Variants in PTPN4 observed in about 807,000 individuals in gnomAD.
PTPN4 encodes tyrosine-protein phosphatase non-receptor type 4.
PTPN4 carries 49 observed loss-of-function variants against 135.5 expected under a neutral mutation model. The observed-to-expected ratio is 0.36, with a 90% CI of 0.29 to 0.46. The LOEUF (loss-of-function observed/expected upper bound fraction) is 0.46, where lower values mean the gene tolerates loss of function less well. Ranked by LOEUF, PTPN4 falls within the 20% of genes least tolerant of loss-of-function variation. PTPN4 has a pLI of 1.00. For missense variants in PTPN4, 860 were observed against 1,101.0 expected, an observed-to-expected ratio of 0.78 and a Z score of 3.10; for synonymous variants, 333 against 369.9, an observed-to-expected ratio of 0.90 and a Z score of 1.14.
intron 10 of PTPN4, among the ~76,000 whole-genome samples, chr2:119,911,873 A>G (rs1678576783): frequency 6.6e-6 from 1 of 152,196 alleles, no homozygotes; most frequent in Admixed American, 6.5e-5. Flanking sequence ...GTAGTTTCTT[A>G]AAAAGTTAGA....
At chr2:119,869,354 A>G (rs1677877028) in intron 3 of PTPN4, among the ~76,000 whole-genome samples, 1 of 152,224 alleles carries the variant, frequency 6.6e-6, no homozygotes, top group Admixed American at 6.5e-5. Context: ...TGCATATTGC[A>G]AATGGGTGCA....
intron 2 of PTPN4, among the ~76,000 whole-genome samples, chr2:119,828,677 C>G (rs1179348520): frequency 6.6e-6 from 1 of 152,178 alleles, no homozygotes; most frequent in Non-Finnish European, 1.5e-5. Flanking sequence ...GCATTTGTCC[C>G]ACATCTTCAA....
intron 10 of PTPN4, among the ~76,000 whole-genome samples, chr2:119,909,760 C>T (rs530063693): frequency 2.0e-5 from 3 of 152,070 alleles, no homozygotes; most frequent in African/African-American, 2.4e-5. Flanking sequence ...AAAGTAGCAA[C>T]GTTAACCGGA....
At position 119,924,613 on chromosome 2, in the gene PTPN4, C is replaced by T. The variant is rs190887302; in HGVS notation, c.1002-1985C>T. 1.8e-4 allele frequency among the ~76,000 whole-genome samples: 27 copies of T among 152,162 alleles called. 2 individuals carry two copies. In the East Asian group the frequency reaches 2.3e-3, roughly 13 times the overall value. On this transcript the variant is annotated intron_variant, in intron 12 of 26. Coordinates refer to ENST00000263708, the MANE Select transcript of PTPN4 (RefSeq NM_002830.4). Reference sequence around the variant, plus strand: ...TATCTTACTGTGAAAGTTTAGTGTTCTGAAACTGGAACAGTTTTTCATTTT... The same window carrying T: ...TATCTTACTGTGAAAGTTTAGTGTTTTGAAACTGGAACAGTTTTTCATTTT...
intron 3 of PTPN4, among the ~76,000 whole-genome samples, chr2:119,863,372 C>T (rs1024603271): frequency 1.3e-5 from 2 of 152,142 alleles, no homozygotes; most frequent in Non-Finnish European, 1.5e-5. Flanking sequence ...CAGTGAGGGA[C>T]TTCTGCAATA....
intron 10 of PTPN4, among the ~76,000 whole-genome samples, chr2:119,912,723 A>T (rs1380005136): frequency 2.0e-5 from 3 of 152,196 alleles, no homozygotes; most frequent in Non-Finnish European, 4.4e-5. Flanking sequence ...CACTATTGAT[A>T]TAATCTATGT....
chr2:119,944,955 T>G (rs1470344842), intron 15 of PTPN4, 126 bp from the exon 16 acceptor site: 13 of 702,734 alleles, frequency 1.8e-5, no homozygotes, highest in Non-Finnish European at 2.8e-5. Context: ...CATTAAAAAG[T>G]GGCACTTCCA....
intron 2 of PTPN4, among the ~76,000 whole-genome samples, chr2:119,850,297 T>C (rs77840690): frequency 0.063 from 9,517 of 152,242 alleles, 432 homozygotes; most frequent in Non-Finnish European, 0.096. Context: ...GTAGGGGCAG[T>C]GTCCTTTACT....
At position 119,976,933 on chromosome 2, in the gene PTPN4, C is replaced by T. The variant is rs746662843; in HGVS notation, c.2695-51C>T. The T allele has an allele frequency of 2.3e-5, 36 of 1,563,884 alleles. 1 individual carries two copies. The Admixed American group carries it at 4.2e-4, about 18-fold the overall frequency. ...TTGTCTTTTTTGGGGGGAGAGGGGA[C>T]GGTTTTCTGACTTTTCTGATCAGTT... On this transcript the variant is annotated intron_variant, in intron 26 of 26. Transcript: ENST00000263708.
At chr2:119,783,847 T>C (rs1690992838) in intron 1 of PTPN4, among the ~76,000 whole-genome samples, 1 of 152,220 alleles carries the variant, frequency 6.6e-6, no homozygotes, top group Non-Finnish European at 1.5e-5. Flanking sequence ...GATCTCTCAG[T>C]GAGGAATTCA....
chr2:119,876,663 C>T (rs905781088), intron 3 of PTPN4, among the ~76,000 whole-genome samples: 1 of 151,736 alleles, frequency 6.6e-6, no homozygotes, highest in Non-Finnish European at 1.5e-5. Flanking sequence ...CCTAATTGTC[C>T]AGAAATAGAG....
intron 5 of PTPN4, among the ~76,000 whole-genome samples, chr2:119,880,752 T>C (rs1678059503): frequency 6.6e-6 from 1 of 152,044 alleles, no homozygotes; most frequent in African/African-American, 2.4e-5. Context: ...TATACTGTCT[T>C]GGATTGAGTA....
intron 14 of PTPN4, among the ~76,000 whole-genome samples, chr2:119,933,683 C>CT: frequency 6.8e-6 from 1 of 147,072 alleles, no homozygotes. Context: ...AAAAAAAAAT[C>CT]TAACAGCTAG....
intron 1 of PTPN4, among the ~76,000 whole-genome samples, chr2:119,768,655 C>T (rs1488958923): frequency 6.6e-6 from 1 of 152,190 alleles, no homozygotes; most frequent in East Asian, 1.9e-4. Flanking sequence ...TACTTATTTG[C>T]TCAATCCCCT....
chr2:119,885,897 C>T lies in PTPN4; in HGVS notation c.675+15C>T, dbSNP rs1678148894. On this transcript the variant is annotated intron_variant, in intron 9 of 26. Transcript: ENST00000263708. ...ACTATGCAAGGGTAAGTGAAGAAAA[C>T]TTACTTTGATGTTGTTGAGTTAGGC... 3 of 1,523,896 alleles carry T rather than the reference C, an allele frequency of 2.0e-6. No individual in the cohort carries two copies. The highest frequency in any genetic ancestry group is 2.7e-6 in the Non-Finnish European group (3 of 1,127,702). The allele number at this position is 1,523,896 out of a possible 1,614,324, so 94.4% of individuals were successfully genotyped here. A position where few individuals can be genotyped will look rare whatever the true frequency, so the allele number is the denominator to read the frequency against.
chr2:119,952,812 C>G (rs186582045), intron 19 of PTPN4, among the ~76,000 whole-genome samples: 1 of 152,142 alleles, frequency 6.6e-6, no homozygotes, highest in Non-Finnish European at 1.5e-5. Flanking sequence ...GCTAATTGCA[C>G]GAATTTCCTC....
Position 119,760,377 on chromosome 2 carries a change from A to G in PTPN4, c.-25A>G. The G allele has an allele frequency of 2.6e-6, 1 of 390,082 alleles. No individual in the cohort carries two copies. The allele number at this position is 390,082 out of a possible 1,614,324, so 24.2% of individuals were successfully genotyped here. A position where few individuals can be genotyped will look rare whatever the true frequency, so the allele number is the denominator to read the frequency against. On this transcript the variant is annotated 5_prime_UTR_variant, in exon 1 of 27. The change creates a new upstream start codon in the 5' untranslated region. Coordinates refer to ENST00000263708, the MANE Select transcript of PTPN4 (RefSeq NM_002830.4). ...CCAGCCGAGAGGACGCGGCTGTGAT[A>G]TACGAAGGTAAGAGGTTCTCCGGTC...
intron 11 of PTPN4, 45 bp from the exon 12 acceptor site, chr2:119,920,023 TC>T: frequency 6.4e-7 from 1 of 1,561,266 alleles, no homozygotes; most frequent in South Asian, 1.2e-5. Flanking sequence ...GAGCATTAGA[TC>T]CTGACATTTT....
At chr2:119,841,464 C>G (rs981906120) in intron 2 of PTPN4, among the ~76,000 whole-genome samples, 1 of 152,108 alleles carries the variant, frequency 6.6e-6, no homozygotes, top group Non-Finnish European at 1.5e-5. Flanking sequence ...TTTTTACATA[C>G]AAAGAATCTT....
Sources: gnomAD v4.1 joint callset for allele counts (sites outside exome capture counted in the v4.1 genomes callset) on GRCh38, gnomAD v4.1.1 for gene constraint, MANE v1.5 for transcripts, NCBI Gene and HGNC (gene_info 2026-07-23, HGNC 2026-07-21) for gene names.